Variants in SCUBE1 observed in about 807,000 individuals in gnomAD.
SCUBE1 encodes signal peptide, CUB domain and EGF like domain containing 1, also known as signal peptide, CUB and EGF-like domain-containing protein 1.
SCUBE1 carries 59 observed loss-of-function variants against 124.4 expected under a neutral mutation model. The ratio of observed to expected loss-of-function variants is 0.47; its 90% CI spans 0.38 to 0.59. SCUBE1 has a LOEUF of 0.59. SCUBE1 is among the 20% of genes least tolerant of loss of function. The probability of loss-of-function intolerance (pLI) is 0.00; values close to 1 mark genes in which losing one functional copy is unlikely to be tolerated. For missense variants in SCUBE1, 1,150 were observed against 1,371.2 expected (o/e 0.84, Z 2.55); for synonymous variants, 545 against 550.9 (o/e 0.99, Z 0.15).
rs773875420 is a variant in SCUBE1 at position 43,221,216 on chromosome 22, G to C, written c.1506C>G (p.His502Gln). 3.8e-5 allele frequency: 61 copies of C among 1,611,712 alleles called. No individual in the cohort carries two copies. Among genetic ancestry groups the C allele is most frequent in the Non-Finnish European group, 5.0e-5 (59 of 1,179,960 alleles). ...IRDAKCHLRP[H>Q]SQARAKETAR... ...CGGTCTCCTTTGCTCGTGCCTGGCT[G>C]TGGGGCCGGAGGTGGCACTTGGCAT... Residue 502 changes from histidine to glutamine, a missense_variant, in exon 13 of 22, where the codon CAC (histidine) becomes CAG (glutamine). Physicochemically the swap from His to Gln is conservative, Grantham distance 24. Around this residue, in one of 3 missense-constraint regions of SCUBE1, gnomAD observed 757 missense variants for 840.9 expected, o/e 0.90. Transcript: ENST00000360835.
chr22:43,213,650 T>C (rs1921670428), intron 16 of SCUBE1: 2 of 153,536 alleles, frequency 1.3e-5, no homozygotes, highest in African/African-American at 4.8e-5. Context: ...AATAAAGTTC[T>C]TTGTGTGGAG....
intron 3 of SCUBE1, among the ~76,000 whole-genome samples, chr22:43,310,416 G>A (rs957656477): frequency 6.6e-6 from 1 of 152,218 alleles, no homozygotes; most frequent in Non-Finnish European, 1.5e-5. Context: ...GCCATGATGT[G>A]CGGAAGCTCC....
chr22:43,337,768 C>T (rs553287312), intron 2 of SCUBE1, among the ~76,000 whole-genome samples: 79 of 152,336 alleles, frequency 5.2e-4, no homozygotes, highest in Admixed American at 2.1e-3. Context: ...GTGGCTGCAT[C>T]GCCCACAAAA....
At chr22:43,286,093 G>C (rs528646928) in intron 4 of SCUBE1, among the ~76,000 whole-genome samples, 2 of 152,236 alleles carry the variant, frequency 1.3e-5, no homozygotes, top group Non-Finnish European at 2.9e-5. Flanking sequence ...GTGGGGCCCT[G>C]GGCCAGGCCC....
chr22:43,332,636 T>C (rs1926940047), intron 2 of SCUBE1, among the ~76,000 whole-genome samples: 1 of 152,116 alleles, frequency 6.6e-6, no homozygotes, highest in Non-Finnish European at 1.5e-5. Context: ...GGACCCAGTT[T>C]CCCCAGGCGA....
intron 9 of SCUBE1, among the ~76,000 whole-genome samples, chr22:43,228,773 C>T (rs1022918527): frequency 1.3e-5 from 2 of 152,220 alleles, no homozygotes; most frequent in Admixed American, 6.5e-5. Context: ...TTGGTGCCCC[C>T]GCTCCTGGCC....
In SCUBE1 at chr22:43,222,730, C is replaced by T; in HGVS notation, c.1340G>A (p.Ser447Asn). ...TGGAACTCCGCAGCTCAGGACGTAG[C>T]TATTTTCCGAGTCTGCAGAGAAGCC... ...HTLFVPDSENSYVLSCGVPGP... is the reference protein window; with the variant it reads ...HTLFVPDSENNYVLSCGVPGP... Residue 447 changes from serine to asparagine, a missense_variant, in exon 12 of 22, where the codon AGC becomes AAC. Coordinates refer to ENST00000360835, the MANE Select transcript of SCUBE1 (RefSeq NM_173050.5). 6.2e-7 allele frequency: 1 copy of T among 1,602,266 alleles called. No homozygotes were observed. The highest frequency in any genetic ancestry group is 1.1e-5 in the South Asian group (1 of 89,160).
chr22:43,227,378 G>A lies in SCUBE1; in HGVS notation c.1203C>T (p.Cys401=), dbSNP rs746666478. The change falls in exon 10 of 22, where the codon TGC becomes TGT. Residue 401 remains cysteine, a synonymous_variant. Coordinates refer to ENST00000360835, the MANE Select transcript of SCUBE1 (RefSeq NM_173050.5). ...GRRLHWNGKD[C]VETGKCLSRA... is the part of the protein sequence containing the mutation. ...CAGCACAGGGCGGCCACCTACCCAC[G>A]CAATCCTTCCCGTTCCAGTGGAGCC... 18 of 1,609,246 alleles carry A rather than the reference G, an allele frequency of 1.1e-5. No individual in the cohort carries two copies. In the African/African-American group the frequency reaches 1.9e-4, roughly 17 times the overall value.
At chr22:43,231,268 C>T (rs1174365574) in intron 8 of SCUBE1, among the ~76,000 whole-genome samples, 1 of 152,230 alleles carries the variant, frequency 6.6e-6, no homozygotes, top group Non-Finnish European at 1.5e-5. Flanking sequence ...GCACTGCCAG[C>T]CTCTGGGCTC....
At chr22:43,289,319 T>C (rs1316681551) in intron 4 of SCUBE1, among the ~76,000 whole-genome samples, 1 of 152,202 alleles carries the variant, frequency 6.6e-6, no homozygotes, top group Non-Finnish European at 1.5e-5. Context: ...CGTGGGCAGC[T>C]TGGCCCCACA....
intron 3 of SCUBE1, chr22:43,317,254 C>T (rs997520587): frequency 1.3e-5 from 2 of 152,314 alleles, no homozygotes; most frequent in African/African-American, 2.4e-5. Flanking sequence ...GTAGTAATGC[C>T]TGCGTTGACT....
chr22:43,278,440 C>T (rs1158788094), intron 4 of SCUBE1, among the ~76,000 whole-genome samples: 1 of 152,200 alleles, frequency 6.6e-6, no homozygotes, highest in Non-Finnish European at 1.5e-5. Context: ...CCAGCACTCA[C>T]AGTTGATAAT....
intron 6 of SCUBE1, among the ~76,000 whole-genome samples, chr22:43,253,070 C>T (rs1383519844): frequency 1.4e-5 from 2 of 146,360 alleles, no homozygotes; most frequent in African/African-American, 5.3e-5. Flanking sequence ...AGGATGGGAA[C>T]GGTCACCTCC....
At chr22:43,327,624 A>G (rs866340385) in intron 2 of SCUBE1, among the ~76,000 whole-genome samples, 6 of 152,010 alleles carry the variant, frequency 3.9e-5, no homozygotes, top group Non-Finnish European at 5.9e-5. Flanking sequence ...TGTCTCTACT[A>G]AAAATACAAA....
intron 15 of SCUBE1, among the ~76,000 whole-genome samples, chr22:43,214,652 C>T (rs916199141): frequency 2.0e-5 from 3 of 152,192 alleles, no homozygotes; most frequent in Non-Finnish European, 4.4e-5. Context: ...CTCCCCTGTC[C>T]TTCCTGAGTG....
intron 4 of SCUBE1, among the ~76,000 whole-genome samples, chr22:43,289,742 T>C (rs1395766429): frequency 6.6e-6 from 1 of 152,178 alleles, no homozygotes; most frequent in Non-Finnish European, 1.5e-5. Context: ...TTCCCCATTT[T>C]GCAGGCGAGG....
chr22:43,320,740 C>G (rs1169616956), intron 2 of SCUBE1, among the ~76,000 whole-genome samples: 6 of 152,182 alleles, frequency 3.9e-5, no homozygotes, highest in Non-Finnish European at 7.3e-5. Context: ...GATGCAGGCA[C>G]CATTCTCACT....
chr22:43,218,446 G>T lies in SCUBE1; in HGVS notation c.1700C>A (p.Ala567Glu), dbSNP rs762401550. 3 of 1,611,542 alleles carry T rather than the reference G, an allele frequency of 1.9e-6. No homozygotes were observed. Among genetic ancestry groups the T allele is most frequent in the Non-Finnish European group, 1.7e-6 (2 of 1,179,986 alleles). Reference protein sequence around the residue: ...KMEEASDTCEADCLRKRAEQS... With the variant: ...KMEEASDTCEEDCLRKRAEQS... Reference sequence around the variant, plus strand: ...TTCTGCTCGCTTCCGCAAGCAGTCCGCTTCGCATGTGTCTGCAGGGGCAGG... The same window carrying T: ...TTCTGCTCGCTTCCGCAAGCAGTCCTCTTCGCATGTGTCTGCAGGGGCAGG... Residue 567 changes from alanine (A) to glutamate (E), a missense_variant, in exon 15 of 22, where the codon GCG becomes GAG. By Grantham distance (107) the Ala-to-Glu change is moderately radical (BLOSUM62 -1). Transcript: ENST00000360835.
chr22:43,238,856 C>T lies in SCUBE1; in HGVS notation c.826G>A (p.Asp276Asn). 1.9e-6 allele frequency: 3 copies of T among 1,613,166 alleles called. No individual in the cohort carries two copies. Among genetic ancestry groups the T allele is most frequent in the Non-Finnish European group, 2.5e-6 (3 of 1,179,924 alleles). ...TGCTGACCTTTGCATGTCTTCCCGT[C>T]CGGCTGCAGTGTGAATCCAACGGGG... ...SCPVGFTLQP[D>N]GKTCKDINEC... is the part of the protein sequence containing the mutation. Residue 276 changes from aspartate to asparagine, a missense_variant, in exon 7 of 22, where the codon GAC becomes AAC. This residue lies in a region of SCUBE1 where 337 missense variants were observed against 482.1 expected (regional missense o/e 0.70). Transcript: ENST00000360835.
Sources: gnomAD v4.1 joint callset for allele counts (sites outside exome capture counted in the v4.1 genomes callset) on GRCh38, gnomAD v4.1.1 for gene constraint, gnomAD v4.1.1 regional missense constraint, MANE v1.5 for transcripts, NCBI Gene and HGNC (gene_info 2026-07-23, HGNC 2026-07-21) for gene names.